Variants in TENM1 observed in about 807,000 individuals in gnomAD.
The protein encoded by TENM1 is teneurin transmembrane protein 1, also known as teneurin-1.
TENM1 carries 35 observed loss-of-function variants against 174.8 expected under a neutral mutation model. The ratio of observed to expected loss-of-function variants is 0.20; its 90% CI spans 0.15 to 0.27. The LOEUF is 0.27. Ranked by LOEUF, TENM1 falls within the 10% of genes least tolerant of loss-of-function variation. TENM1 has a pLI of 1.00. For missense variants in TENM1, 1,633 were observed against 2,130.1 expected, an observed-to-expected ratio of 0.77 and a Z score of 4.59; for synonymous variants, 781 against 798.7, an observed-to-expected ratio of 0.98 and a Z score of 0.37.
At chrX:125,180,358 C>T in the TENM1 span, among the ~76,000 whole-genome samples, 1 of 100,449 alleles carries the variant, frequency 1.0e-5, no homozygotes, top group Non-Finnish European at 2.0e-5. Flanking sequence ...CGTGAGCCAC[C>T]GTGCTTGGCT....
intron 11 of TENM1, among the ~76,000 whole-genome samples, chrX:124,601,120 C>T (rs1265805723): frequency 9.0e-6 from 1 of 110,904 alleles, no homozygotes; most frequent in Non-Finnish European, 1.9e-5. Context: ...GTGATTGTTA[C>T]CAAATAAAAA....
At chrX:125,039,825 C>CTTTTTTTTTTTTTTTTTTTTTTTTT in the TENM1 span, among the ~76,000 whole-genome samples, 3 of 111,378 alleles carry the variant, frequency 2.7e-5, no homozygotes, top group African/African-American at 9.8e-5. Flanking sequence ...TGAGCCTTTT[C>CTTTTTTTTTTTTTTTTTTTTTTTTT]TTATTAACCT....
At chrX:124,709,689 A>C (rs1429044245) in intron 4 of TENM1, among the ~76,000 whole-genome samples, 1 of 110,841 alleles carries the variant, frequency 9.0e-6, no homozygotes, top group Non-Finnish European at 1.9e-5. Flanking sequence ...ACATTACCCC[A>C]TGCTACTTGA....
chrX:124,457,660 C>A (rs1158207275), intron 22 of TENM1, among the ~76,000 whole-genome samples: 1 of 111,660 alleles, frequency 9.0e-6, no homozygotes, highest in African/African-American at 3.3e-5. Flanking sequence ...ACTGAAGGAA[C>A]AGGGGCATCC....
the TENM1 span, among the ~76,000 whole-genome samples, chrX:125,171,858 GCTAT>G: frequency 8.9e-6 from 1 of 111,767 alleles, no homozygotes; most frequent in Non-Finnish European, 1.9e-5. Context: ...ATAAAAAGAG[GCTAT>G]CTTTGTTCAT....
At chrX:124,927,238 A>G (rs2058105040) in intron 1 of TENM1, among the ~76,000 whole-genome samples, 1 of 111,563 alleles carries the variant, frequency 9.0e-6, no homozygotes, top group Non-Finnish European at 1.9e-5. Context: ...AAATCTGGCA[A>G]TAAACCATAG....
At chrX:124,529,007 G>A (rs767219572) in intron 16 of TENM1, among the ~76,000 whole-genome samples, 2 of 111,514 alleles carry the variant, frequency 1.8e-5, no homozygotes, top group Admixed American at 1.9e-4. Context: ...TTCTTGAAAT[G>A]AGATAGTTTC....
At chrX:124,423,376 G>A (rs750807890) in intron 23 of TENM1, among the ~76,000 whole-genome samples, 54 of 111,395 alleles carry the variant, frequency 4.8e-4, no homozygotes, top group Non-Finnish European at 7.9e-4. Context: ...CTGAGTATTC[G>A]CTGAGTACCT....
At chrX:124,729,918 G>A (rs1042369005) in intron 4 of TENM1, among the ~76,000 whole-genome samples, 6 of 111,174 alleles carry the variant, frequency 5.4e-5, no homozygotes, top group Non-Finnish European at 9.4e-5. Context: ...GTGCAGTGGC[G>A]CGATCTCGGC....
At chrX:125,200,632 T>C in the TENM1 span, among the ~76,000 whole-genome samples, 1 of 86,505 alleles carries the variant, frequency 1.2e-5, no homozygotes, top group East Asian at 3.3e-4. Flanking sequence ...ATTGCTTCCG[T>C]GTGTGTGTGT....
At chrX:124,471,536 T>C (rs1281708832) in intron 22 of TENM1, among the ~76,000 whole-genome samples, 1 of 71,687 alleles carries the variant, frequency 1.4e-5, no homozygotes, top group Non-Finnish European at 2.3e-5. Flanking sequence ...ATATAATATA[T>C]AGTAATATAT....
At chrX:124,451,449 T>A (rs2061035726) in intron 23 of TENM1, among the ~76,000 whole-genome samples, 1 of 112,219 alleles carries the variant, frequency 8.9e-6, no homozygotes, top group Admixed American at 9.5e-5. Flanking sequence ...CTAAAGAGAC[T>A]TCGTAGTCAC....
chrX:125,078,385 G>A, the TENM1 span, among the ~76,000 whole-genome samples: 9 of 111,858 alleles, frequency 8.0e-5, no homozygotes, highest in South Asian at 7.4e-4. Flanking sequence ...TTTGAATCCC[G>A]AGTGACCTGA....
intron 1 of TENM1, among the ~76,000 whole-genome samples, chrX:124,961,793 T>C (rs1189499771): frequency 9.0e-6 from 1 of 111,700 alleles, no homozygotes; most frequent in Non-Finnish European, 1.9e-5. Flanking sequence ...TGGTTGAATA[T>C]GCATAAAGAG....
At chrX:124,438,084 T>C (rs1232049301) in intron 23 of TENM1, among the ~76,000 whole-genome samples, 2 of 111,701 alleles carry the variant, frequency 1.8e-5, no homozygotes, top group East Asian at 2.8e-4. Context: ...CTGGCTTGCA[T>C]TGGGACTCAG....
At chrX:124,472,732 G>A (rs1165178419) in intron 22 of TENM1, among the ~76,000 whole-genome samples, 1 of 110,860 alleles carries the variant, frequency 9.0e-6, no homozygotes, top group Non-Finnish European at 1.9e-5. Flanking sequence ...TGCTAGTGTA[G>A]AGTGAATATT....
the TENM1 span, among the ~76,000 whole-genome samples, chrX:125,103,757 G>A: frequency 2.7e-5 from 3 of 112,224 alleles, no homozygotes; most frequent in Non-Finnish European, 3.8e-5. Flanking sequence ...AGGCTGAAGC[G>A]GACAGGTCAC....
intron 11 of TENM1, among the ~76,000 whole-genome samples, chrX:124,609,238 C>T (rs905730977): frequency 9.0e-6 from 1 of 111,229 alleles, no homozygotes; most frequent in East Asian, 2.8e-4. Flanking sequence ...TGTGGGAAAT[C>T]GTTTACTATA....
Position 124,435,631 on chromosome X carries a change from A to G in TENM1, c.4105-12993T>C, listed in dbSNP as rs140447465. ...TTCCACAGATTGTCTCTCTCATCTT[A>G]ACTCTGTAATGTTTCCAAATGATAG... On this transcript the variant is annotated intron_variant, in intron 23 of 31. Coordinates refer to ENST00000422452, the Ensembl canonical transcript of TENM1. Among the ~76,000 whole-genome samples, 472 of 111,957 alleles carry G rather than the reference A, an allele frequency of 4.2e-3. 1 individual carries two copies. The highest frequency in any genetic ancestry group is 0.015 in the African/African-American group (449 of 30,830).
Sources: gnomAD v4.1 joint callset for allele counts (sites outside exome capture counted in the v4.1 genomes callset) on GRCh38, gnomAD v4.1.1 for gene constraint, MANE v1.5 for transcripts, NCBI Gene and HGNC (gene_info 2026-07-23, HGNC 2026-07-21) for gene names.